The following P2RX5 variants were observed in gnomAD, a reference collection of about 807,000 sequenced individuals.
The protein encoded by P2RX5 is P2X purinoceptor 5.
Under a neutral mutation model 54.1 loss-of-function variants are expected in P2RX5, and 46 were observed. That is an observed-to-expected ratio of 0.85 (90% CI 0.67 to 1.09). P2RX5 has a LOEUF of 1.09. P2RX5 is among the 50% of genes least tolerant of loss of function. P2RX5 has a pLI of 0.00. For synonymous variants in P2RX5, 226 were observed against 226.4 expected (o/e 1.00, Z 0.02); for missense variants, 566 against 549.8 (o/e 1.03, Z -0.29).
the P2RX5 span, among the ~76,000 whole-genome samples, chr17:3,718,692 G>A: frequency 1.3e-5 from 2 of 152,212 alleles, no homozygotes; most frequent in African/African-American, 4.8e-5. Flanking sequence ...GTATCAGTAA[G>A]TAAGAGGGGG....
upstream of P2RX5, among the ~76,000 whole-genome samples, chr17:3,698,937 C>T (rs573156364): frequency 2.6e-5 from 4 of 151,998 alleles, no homozygotes; most frequent in Non-Finnish European, 4.4e-5. Context: ...TGGGCACAGG[C>T]GCTCATGCCT....
At chr17:3,688,160 G>T in intron 8 of P2RX5, 55 bp from the exon 9 acceptor site, 3 of 947,224 alleles carry the variant, frequency 3.2e-6, no homozygotes, top group Non-Finnish European at 5.1e-6. Flanking sequence ...TCCCTCTTTA[G>T]GCAGCACTGA....
chr17:3,676,747 G>A (rs572845336), intron 11 of P2RX5: 6 of 234,290 alleles, frequency 2.6e-5, no homozygotes, highest in South Asian at 1.5e-4. Flanking sequence ...AGCAGGCTCC[G>A]GTCCCTGGAC....
the P2RX5 span, chr17:3,723,809 C>T: frequency 4.4e-6 from 7 of 1,581,476 alleles, no homozygotes; most frequent in East Asian, 6.7e-5. Flanking sequence ...CGTCCCGTCC[C>T]GGCCCCGGCC....
the P2RX5 span, among the ~76,000 whole-genome samples, chr17:3,711,647 G>A: frequency 2.6e-5 from 4 of 151,952 alleles, no homozygotes; most frequent in Non-Finnish European, 5.9e-5. Context: ...GCCTCCCGAA[G>A]TGCTGGGATT....
At chr17:3,699,878 G>A (rs28399018), upstream of P2RX5, among the ~76,000 whole-genome samples, 3,961 of 31,474 alleles carry the variant, frequency 0.13, 245 homozygotes, top group African/African-American at 0.15. Context: ...AGAAAGAAAG[G>A]AAGGAAGGAA....
intron 10 of P2RX5, 55 bp downstream of exon 10, chr17:3,681,841 A>T: frequency 8.4e-7 from 1 of 1,194,590 alleles, no homozygotes; most frequent in Non-Finnish European, 1.3e-6. Context: ...GCTCGAAGCC[A>T]CGGGGGTGCT....
intron 8 of P2RX5, among the ~76,000 whole-genome samples, 158 bp from the exon 9 acceptor site, chr17:3,688,263 C>G (rs2050505677): frequency 6.6e-6 from 1 of 152,128 alleles, no homozygotes; most frequent in Non-Finnish European, 1.5e-5. Context: ...GAGCCAAAAA[C>G]AAAGAGGCAT....
At position 3,673,255 on chromosome 17, in the gene P2RX5, T is replaced by A; in HGVS notation, c.*613A>T. The A allele has an allele frequency of 1.0e-6, 1 of 988,844 alleles. No individual in the cohort carries two copies. Among genetic ancestry groups the A allele is most frequent in the Non-Finnish European group, 1.2e-6 (1 of 831,806 alleles). The allele number at this position is 988,844 out of a possible 1,614,324, so 61.3% of individuals were successfully genotyped here. On this transcript the variant is annotated 3_prime_UTR_variant, in exon 12 of 12. Transcript: ENST00000225328. ...GAAATTGACACCATTTATTGTTTTA[T>A]GACCAAATAAGAGTGTCAGAGAATA...
In P2RX5 at chr17:3,684,747, T is replaced by C. The variant is rs1183077186; in HGVS notation, c.982-2769A>G. 3.3e-5 allele frequency among the ~76,000 whole-genome samples: 5 copies of C among 151,930 alleles called. No individual in the cohort carries two copies. The East Asian group carries it at 9.6e-4, about 29-fold the overall frequency. ...GAATGTTTAAGGGCATGTCCAAGGATGTGTGTAAGACCACAACACAGAATT... is the reference window on the plus strand; with the variant it reads ...GAATGTTTAAGGGCATGTCCAAGGACGTGTGTAAGACCACAACACAGAATT... On this transcript the variant is annotated intron_variant, in intron 9 of 11. Coordinates refer to ENST00000225328, the MANE Select transcript of P2RX5 (RefSeq NM_002561.4).
chr17:3,715,282 G>A, the P2RX5 span, among the ~76,000 whole-genome samples: 1 of 152,168 alleles, frequency 6.6e-6, no homozygotes, highest in African/African-American at 2.4e-5. Context: ...TGATGCTGAA[G>A]ACAGAAGGAG....
At position 3,673,844 on chromosome 17, in the gene P2RX5, G is replaced by T. The variant is rs745777064; in HGVS notation, c.*24C>A. 1.2e-6 allele frequency: 2 copies of T among 1,612,838 alleles called. No individual in the cohort carries two copies. The highest frequency in any genetic ancestry group is 4.5e-5 in the East Asian group (2 of 44,884). ...TGCTAGACGGCTGGGTTTAGGACAG[G>T]GCCTGAACGTAAGCAGAGGCAATTC... On this transcript the variant is annotated 3_prime_UTR_variant, in exon 12 of 12. Coordinates refer to ENST00000225328, the MANE Select transcript of P2RX5 (RefSeq NM_002561.4).
chr17:3,691,395 G>C (rs2050612750), intron 2 of P2RX5, among the ~76,000 whole-genome samples: 1 of 152,220 alleles, frequency 6.6e-6, no homozygotes, highest in East Asian at 1.9e-4. Flanking sequence ...AAAGTTCTCT[G>C]GGTCCCATTT....
chr17:3,682,160 G>T, intron 9 of P2RX5, 182 bp from the exon 10 acceptor site: 4 of 646,950 alleles, frequency 6.2e-6, no homozygotes, highest in Non-Finnish European at 1.1e-5. Context: ...GCTGGTCCAT[G>T]GTGGAGCTCA....
the P2RX5 span, among the ~76,000 whole-genome samples, chr17:3,710,712 G>T: frequency 1.3e-5 from 2 of 151,972 alleles, no homozygotes; most frequent in East Asian, 1.9e-4. Context: ...CGGATCACTT[G>T]AAGTCGGGAG....
chr17:3,688,181 C>A (rs1214096247), intron 8 of P2RX5, 76 bp from the exon 9 acceptor site: 2 of 817,674 alleles, frequency 2.4e-6, no homozygotes, highest in African/African-American at 1.7e-5. Flanking sequence ...TGTGGCTGCT[C>A]TGGGGACTTA....
At chr17:3,689,977 C>T in intron 6 of P2RX5, 93 bp downstream of exon 6, 1 of 1,126,786 alleles carries the variant, frequency 8.9e-7, no homozygotes, top group East Asian at 2.3e-5. Context: ...CACGCGCGCA[C>T]ACACACCCCC....
Position 3,688,519 on chromosome 17 carries a change from C to T in P2RX5, c.887+107G>A, listed in dbSNP as rs1263119288. On this transcript the variant is annotated intron_variant, in intron 8 of 11. Transcript: ENST00000225328. ...CTGGGCCATCTGTCCCTGCACCTCC[C>T]GCTCTGACACCCACCCCCAGGAAGG... 5.1e-5 allele frequency: 64 copies of T among 1,255,246 alleles called. 1 individual carries two copies. Among genetic ancestry groups the T allele is most frequent in the South Asian group, 4.8e-4 (40 of 83,590 alleles). 77.8% of individuals were successfully genotyped at this position (1,255,246 alleles called of 1,614,324 possible).
At chr17:3,691,870 G>A in intron 1 of P2RX5, 76 bp from the exon 2 acceptor site, 1 of 1,497,396 alleles carries the variant, frequency 6.7e-7, no homozygotes, top group Non-Finnish European at 9.3e-7. Flanking sequence ...CTTGGGGTGG[G>A]GTAGCAGTCA....
Sources: allele counts gnomAD v4.1 joint callset (sites outside exome capture counted in the v4.1 genomes callset), GRCh38; gene constraint gnomAD v4.1.1; transcripts MANE v1.5; gene names NCBI Gene and HGNC (gene_info 2026-07-23, HGNC 2026-07-21).